PLCB1: variants seen among roughly 807,000 people sequenced by gnomAD.
PLCB1 encodes phospholipase C beta 1.
In PLCB1, 46 loss-of-function variants were observed where a neutral mutation model predicts 161.8. That is an observed-to-expected ratio of 0.28 (90% CI 0.22 to 0.36). PLCB1 has a LOEUF of 0.36. Among genes scored for constraint, PLCB1 ranks in the 10% least tolerant of loss-of-function variants. The pLI is 1.00. For synonymous variants in PLCB1, 517 were observed against 503.7 expected, an observed-to-expected ratio of 1.03 and a Z score of -0.35; for missense variants, 1,016 against 1,472.5, an observed-to-expected ratio of 0.69 and a Z score of 5.07.
At chr20:8,741,596 C>T in intron 23 of PLCB1, 23 bp downstream of exon 23, 1 of 1,476,710 alleles carries the variant, frequency 6.8e-7, no homozygotes, top group African/African-American at 1.4e-5. Flanking sequence ...TTTAATTTTA[C>T]ATATAGCATT....
intron 10 of PLCB1, among the ~76,000 whole-genome samples, chr20:8,690,820 T>G (rs1386719581): frequency 2.0e-5 from 3 of 152,202 alleles, no homozygotes; most frequent in Non-Finnish European, 4.4e-5. Flanking sequence ...TTTCCTCCCA[T>G]AGTTATCTTG....
At chr20:8,718,327 G>A (rs773509803) in intron 14 of PLCB1, among the ~76,000 whole-genome samples, 4 of 152,124 alleles carry the variant, frequency 2.6e-5, no homozygotes, top group Non-Finnish European at 5.9e-5. Context: ...CAAACTTAGC[G>A]GCTTAAACCA....
At chr20:8,198,143 G>A (rs1426281556) in intron 2 of PLCB1, among the ~76,000 whole-genome samples, 3 of 152,110 alleles carry the variant, frequency 2.0e-5, no homozygotes, top group Non-Finnish European at 2.9e-5. Context: ...GACAATGCGG[G>A]CTCTTTTTTC....
At chr20:8,195,357 G>A (rs560138633) in intron 2 of PLCB1, among the ~76,000 whole-genome samples, 1 of 151,994 alleles carries the variant, frequency 6.6e-6, no homozygotes, top group Non-Finnish European at 1.5e-5. Context: ...GGTGATTAGG[G>A]CATGGGGGCA....
intron 31 of PLCB1, among the ~76,000 whole-genome samples, chr20:8,821,354 C>T (rs1322144479): frequency 6.7e-6 from 1 of 149,752 alleles, no homozygotes; most frequent in Non-Finnish European, 1.5e-5. Flanking sequence ...TGGCCTGCGT[C>T]TGTATCCCAG....
chr20:8,651,088 T>A (rs141133655), intron 7 of PLCB1, among the ~76,000 whole-genome samples: 33 of 152,298 alleles, frequency 2.2e-4, no homozygotes, highest in African/African-American at 7.5e-4. Context: ...GCATAAAATT[T>A]TTTTCTCGTG....
chr20:8,189,536 A>G lies in PLCB1; in HGVS notation c.177+39165A>G, dbSNP rs192253759. Among the ~76,000 whole-genome samples the G allele has an allele frequency of 9.3e-4, 142 of 152,088 alleles. 2 individuals are homozygous for G. The highest frequency in any genetic ancestry group is 3.2e-3 in the African/African-American group (132 of 41,540). On this transcript the variant is annotated intron_variant, in intron 2 of 31. Coordinates refer to ENST00000338037, the MANE Select transcript of PLCB1 (RefSeq NM_015192.4). ...TACACAAGGAAAATGGGTCTCTTTC[A>G]CTTCTACACCTGAAATGTAGGCGGC...
At chr20:8,687,323 C>T (rs1326317645) in intron 10 of PLCB1, among the ~76,000 whole-genome samples, 1 of 152,110 alleles carries the variant, frequency 6.6e-6, no homozygotes, top group Admixed American at 6.6e-5. Flanking sequence ...CTGTGCCTGT[C>T]CCCAATTTAA....
intron 27 of PLCB1, among the ~76,000 whole-genome samples, chr20:8,783,415 C>T (rs1318003869): frequency 1.3e-5 from 2 of 152,160 alleles, no homozygotes; most frequent in East Asian, 3.9e-4. Flanking sequence ...AGTCACAAAG[C>T]ACTTCAATTA....
At chr20:8,158,365 A>C (rs1422710566) in intron 2 of PLCB1, among the ~76,000 whole-genome samples, 1 of 152,172 alleles carries the variant, frequency 6.6e-6, no homozygotes, top group Non-Finnish European at 1.5e-5. Flanking sequence ...ACATTATTGT[A>C]TTAGTCCATT....
chr20:8,671,971 C>T (rs1989957323), intron 9 of PLCB1, among the ~76,000 whole-genome samples: 1 of 152,182 alleles, frequency 6.6e-6, no homozygotes, highest in Non-Finnish European at 1.5e-5. Flanking sequence ...CTATGCCTGG[C>T]ATGTGGTCAA....
chr20:8,387,495 T>C (rs1228848083), intron 3 of PLCB1, among the ~76,000 whole-genome samples: 1 of 152,170 alleles, frequency 6.6e-6, no homozygotes, highest in Non-Finnish European at 1.5e-5. Context: ...ATTACAATGG[T>C]AATATCAAAG....
chr20:8,660,783 T>A (rs1989600538), intron 9 of PLCB1, among the ~76,000 whole-genome samples: 1 of 152,148 alleles, frequency 6.6e-6, no homozygotes, highest in African/African-American at 2.4e-5. Context: ...TAAAGGCAAC[T>A]TTATCTGTTT....
At chr20:8,480,601 G>T (rs1982460696) in intron 3 of PLCB1, among the ~76,000 whole-genome samples, 1 of 152,080 alleles carries the variant, frequency 6.6e-6, no homozygotes, top group Non-Finnish European at 1.5e-5. Context: ...GCCATAGAAG[G>T]GTGGGTTTCC....
chr20:8,191,396 A>G (rs1201185807), intron 2 of PLCB1, among the ~76,000 whole-genome samples: 1 of 152,012 alleles, frequency 6.6e-6, no homozygotes, highest in Non-Finnish European at 1.5e-5. Flanking sequence ...ACCTCATTAT[A>G]TCTACCAAGA....
At chr20:8,517,161 T>C (rs765223444) in intron 3 of PLCB1, among the ~76,000 whole-genome samples, 45 of 152,236 alleles carry the variant, frequency 3.0e-4, no homozygotes, top group Non-Finnish European at 1.6e-4. Context: ...TGTTTGTGTC[T>C]GATATCCCCT....
intron 2 of PLCB1, among the ~76,000 whole-genome samples, chr20:8,176,627 CAT>C (rs1357213724): frequency 6.6e-6 from 1 of 152,156 alleles, no homozygotes; most frequent in African/African-American, 2.4e-5. Flanking sequence ...AATACACACA[CAT>C]GCACACCCAC....
chr20:8,669,419 A>T (rs1427646366), intron 9 of PLCB1, among the ~76,000 whole-genome samples: 2 of 152,194 alleles, frequency 1.3e-5, no homozygotes, highest in Non-Finnish European at 2.9e-5. Context: ...GAGTCTTTGG[A>T]TGGTCCAGAC....
intron 3 of PLCB1, among the ~76,000 whole-genome samples, chr20:8,441,578 A>G (rs959310865): frequency 6.6e-6 from 1 of 152,226 alleles, no homozygotes; most frequent in Non-Finnish European, 1.5e-5. Flanking sequence ...AAGTTTATCT[A>G]AATACAGACG....
Sources: allele counts gnomAD v4.1 joint callset (sites outside exome capture counted in the v4.1 genomes callset), GRCh38; gene constraint gnomAD v4.1.1; transcripts MANE v1.5; gene names NCBI Gene and HGNC (gene_info 2026-07-23, HGNC 2026-07-21).